Variants in CFAP57 observed in about 807,000 individuals in gnomAD.
The protein encoded by CFAP57 is cilia and flagella associated protein 57, also known as cilia- and flagella-associated protein 57.
CFAP57 carries 116 observed loss-of-function variants against 146.8 expected under a neutral mutation model. The ratio of observed to expected loss-of-function variants is 0.79; its 90% CI spans 0.68 to 0.92. CFAP57 has a LOEUF of 0.92. CFAP57 is among the 40% of genes least tolerant of loss of function. The probability of loss-of-function intolerance (pLI) is 0.00; values close to 1 mark genes in which losing one functional copy is unlikely to be tolerated. For synonymous variants in CFAP57, 518 were observed against 552.8 expected (o/e 0.94, Z 0.88); for missense variants, 1,377 against 1,527.2 (o/e 0.90, Z 1.64).
chr1:43,177,684 G>A (rs1211898427), intron 2 of CFAP57, among the ~76,000 whole-genome samples: 1 of 152,184 alleles, frequency 6.6e-6, no homozygotes, highest in Admixed American at 6.5e-5. Flanking sequence ...ATGGTTTCAG[G>A]ATGAAACTGT....
chr1:43,179,307 G>T (rs60431327), intron 2 of CFAP57, among the ~76,000 whole-genome samples: 6,674 of 152,252 alleles, frequency 0.044, 503 homozygotes, highest in African/African-American at 0.15. Context: ...GGATATCTAT[G>T]TGAGAGGCGA....
chr1:43,252,412 G>A (rs1226852140), intron 22 of CFAP57, among the ~76,000 whole-genome samples: 1 of 151,928 alleles, frequency 6.6e-6, no homozygotes, highest in Non-Finnish European at 1.5e-5. Flanking sequence ...GGCTTAAGGC[G>A]ATCTTGGCTG....
rs552877092 is a variant in CFAP57 at position 43,241,890 on chromosome 1, G to A, written c.3406-1337G>A. On this transcript the variant is annotated intron_variant, in intron 21 of 22. Transcript: ENST00000372492. ...AAGTGGCCAGTCTCTTTGGGCCCTT[G>A]GGGATGGGGCTCCTCCTTGGGGTAC... is the stretch of plus-strand genomic sequence containing the variant. Among the ~76,000 whole-genome samples the A allele has an allele frequency of 2.6e-3, 392 of 152,288 alleles. 2 individuals are homozygous for A. The highest frequency in any genetic ancestry group is 0.014 in the South Asian group (67 of 4,820).
In CFAP57 at chr1:43,172,363, C is replaced by A. The variant is rs868092104; in HGVS notation, c.-110C>A. The A allele has an allele frequency of 3.4e-5, 52 of 1,551,482 alleles. No homozygotes were observed. The African/African-American group carries it at 6.2e-4, about 18-fold the overall frequency. On this transcript the variant is annotated 5_prime_UTR_variant, in exon 1 of 23. Coordinates refer to ENST00000372492, the MANE Select transcript of CFAP57 (RefSeq NM_001378189.1). ...TTTGTCGTTGCTATAGGAACCGCTA[C>A]GGCGTTTGAAAGTGTCCGGGTTGCT...
rs12140578 is a variant in CFAP57, at chr1:43,244,956, G to A, written c.3538+1597G>A. ...ACCTGACATGCTTGACTTCTCAGAGGTGAAACCATCTTCTCTTGAAAATAA... is the reference window on the plus strand; with the variant it reads ...ACCTGACATGCTTGACTTCTCAGAGATGAAACCATCTTCTCTTGAAAATAA... On this transcript the variant is annotated intron_variant, in intron 22 of 22. Transcript: ENST00000372492. Among the ~76,000 whole-genome samples the A allele has an allele frequency of 2.6e-3, 401 of 152,146 alleles. 2 individuals carry two copies. Among genetic ancestry groups the A allele is most frequent in the South Asian group, 0.014 (69 of 4,822 alleles).
intron 12 of CFAP57, 67 bp from the exon 13 acceptor site, chr1:43,219,315 G>T (rs189800196): frequency 3.4e-6 from 5 of 1,476,634 alleles, no homozygotes; most frequent in East Asian, 2.5e-5. Flanking sequence ...GGTCAAGGCC[G>T]CAGGTTTAAA....
intron 22 of CFAP57, among the ~76,000 whole-genome samples, chr1:43,252,633 A>G (rs1357362788): frequency 6.6e-6 from 1 of 152,170 alleles, no homozygotes; most frequent in Non-Finnish European, 1.5e-5. Flanking sequence ...CAACAAAAAA[A>G]TCAAACTACA....
chr1:43,232,564 C>G lies in CFAP57; in HGVS notation c.3066C>G (p.Ile1022Met), dbSNP rs1157035640. The change falls in exon 19 of 23, where the codon ATC (isoleucine) becomes ATG (methionine). Residue 1022 changes from isoleucine to methionine, a missense_variant. Physicochemically the swap from Ile to Met is conservative, Grantham distance 10 (BLOSUM62 1). Transcript: ENST00000372492. ...HKQNTQLELN[I>M]TELWQKLRAT... ...AGAACACTCAACTGGAGCTGAACAT[C>G]ACAGAATTGTGGCAGAAACTGAGAG... 4.5e-6 allele frequency: 7 copies of G among 1,549,810 alleles called. No homozygotes were observed. The highest frequency in any genetic ancestry group is 6.1e-6 in the Non-Finnish European group (7 of 1,146,426).
intron 21 of CFAP57, among the ~76,000 whole-genome samples, chr1:43,239,359 G>A (rs2124642551): frequency 6.6e-6 from 1 of 152,242 alleles, no homozygotes; most frequent in South Asian, 2.1e-4. Flanking sequence ...TCATGAAGAT[G>A]TCAGAGGTTG....
chr1:43,223,095 C>G (rs528043466), intron 16 of CFAP57, 98 bp downstream of exon 16: 2 of 1,298,148 alleles, frequency 1.5e-6, no homozygotes, highest in Admixed American at 5.6e-5. Context: ...TGGCCAGGGT[C>G]CTGCCTGTCC....
intron 2 of CFAP57, among the ~76,000 whole-genome samples, chr1:43,179,051 C>T (rs577281213): frequency 3.9e-5 from 6 of 152,016 alleles, no homozygotes; most frequent in East Asian, 1.9e-4. Context: ...AACCAAACAC[C>T]GCATGTTCTC....
chr1:43,223,897 C>A, intron 16 of CFAP57, 149 bp from the exon 17 acceptor site: 1 of 924,954 alleles, frequency 1.1e-6, no homozygotes. Flanking sequence ...CAGATATTCA[C>A]TCCTAAAATC....
intron 2 of CFAP57, 31 bp downstream of exon 2, chr1:43,172,941 G>C: frequency 6.2e-7 from 1 of 1,600,074 alleles, no homozygotes; most frequent in African/African-American, 1.3e-5. Flanking sequence ...ACATATACAG[G>C]AATGGTATGT....
rs552261727 is a variant in CFAP57, at chr1:43,188,971, G to A, written c.1122+2112G>A. Among the ~76,000 whole-genome samples, 34 of 152,298 alleles carry A rather than the reference G, an allele frequency of 2.2e-4. 1 individual carries two copies. The highest frequency in any genetic ancestry group is 5.9e-4 in the Admixed American group (9 of 15,292). The stretch of plus-strand genomic sequence containing the variant: ...GGGGTCCAACTTCATTCTTTGGCAT[G>A]TAGATATCCAGTCGTCACAGCATCA... On this transcript the variant is annotated intron_variant, in intron 6 of 22. Transcript: ENST00000372492.
At chr1:43,216,886 A>G (rs1343041331) in intron 12 of CFAP57, among the ~76,000 whole-genome samples, 1 of 152,248 alleles carries the variant, frequency 6.6e-6, no homozygotes, top group Non-Finnish European at 1.5e-5. Context: ...TTACAGAGAT[A>G]AAAGACATAA....
intron 11 of CFAP57, among the ~76,000 whole-genome samples, chr1:43,214,434 G>A (rs927178925): frequency 6.6e-6 from 1 of 152,200 alleles, no homozygotes; most frequent in East Asian, 1.9e-4. Context: ...AAGTTGTGTT[G>A]TGTATCAATC....
At chr1:43,192,608 A>C (rs1322903941) in intron 6 of CFAP57, among the ~76,000 whole-genome samples, 2 of 150,580 alleles carry the variant, frequency 1.3e-5, no homozygotes, top group East Asian at 3.9e-4. Flanking sequence ...GGGCAATAAG[A>C]GTGAAACTCC....
intron 21 of CFAP57, 56 bp from the exon 22 acceptor site, chr1:43,243,171 G>T: frequency 1.3e-6 from 2 of 1,537,630 alleles, no homozygotes; most frequent in Non-Finnish European, 1.8e-6. Flanking sequence ...GGTATGCCTT[G>T]TGCCCACTGA....
chr1:43,205,493 GTA>G (rs763412051), intron 9 of CFAP57, among the ~76,000 whole-genome samples: 13 of 152,184 alleles, frequency 8.5e-5, no homozygotes, highest in Non-Finnish European at 1.6e-4. Flanking sequence ...ACATGCGTGT[GTA>G]TGTGTGTGTG....
Sources: gnomAD v4.1 joint callset for allele counts (sites outside exome capture counted in the v4.1 genomes callset) on GRCh38, gnomAD v4.1.1 for gene constraint, MANE v1.5 for transcripts, NCBI Gene and HGNC (gene_info 2026-07-23, HGNC 2026-07-21) for gene names.